The following ARID3A variants were observed in gnomAD, a reference collection of about 807,000 sequenced individuals.
ARID3A encodes the protein AT-rich interactive domain-containing protein 3A.
ARID3A carries 11 observed loss-of-function variants against 52.7 expected under a neutral mutation model. The ratio of observed to expected loss-of-function variants is 0.21; its 90% CI spans 0.13 to 0.35. ARID3A has a LOEUF of 0.35. ARID3A is among the 10% of genes least tolerant of loss of function. The pLI, the probability that ARID3A is intolerant of heterozygous loss-of-function variation, is 1.00. For missense variants in ARID3A, 721 were observed against 838.5 expected, an observed-to-expected ratio of 0.86 and a Z score of 1.73; for synonymous variants, 404 against 359.4, an observed-to-expected ratio of 1.12 and a Z score of -1.40.
intron 4 of ARID3A, among the ~76,000 whole-genome samples, chr19:962,259 T>C (rs1042060290): frequency 2.6e-5 from 4 of 151,902 alleles, no homozygotes; most frequent in Non-Finnish European, 5.9e-5. Flanking sequence ...TGTCACAAAG[T>C]AAAAAACTCT....
chr19:966,090 G>A (rs2145458792), intron 6 of ARID3A, among the ~76,000 whole-genome samples: 1 of 151,966 alleles, frequency 6.6e-6, no homozygotes, highest in East Asian at 1.9e-4. Context: ...GAGCCTGAGA[G>A]GCAGAGGTTG....
intron 3 of ARID3A, among the ~76,000 whole-genome samples, chr19:943,964 C>T (rs911083124): frequency 6.6e-6 from 1 of 150,424 alleles, no homozygotes; most frequent in African/African-American, 2.5e-5. Context: ...TGGGCACTTA[C>T]GGGGCACCTG....
intron 6 of ARID3A, among the ~76,000 whole-genome samples, chr19:966,166 A>C (rs1338156063): frequency 9.5e-6 from 1 of 105,368 alleles, no homozygotes; most frequent in Non-Finnish European, 1.9e-5. Flanking sequence ...GTCTCAAAGC[A>C]AAAAAAAAAA....
At position 940,264 on chromosome 19, in the gene ARID3A, A is replaced by G. The variant is rs577761831; in HGVS notation, c.693+7522A>G. On this transcript the variant is annotated intron_variant, in intron 3 of 8. Transcript: ENST00000263620. The stretch of plus-strand genomic sequence containing the variant: ...AGAAGAATTGTCTTGGACCACATGT[A>G]AAATACAGTAACACTAATGATACCT... 5.9e-5 allele frequency among the ~76,000 whole-genome samples: 9 copies of G among 152,322 alleles called. No individual in the cohort carries two copies. The East Asian group carries it at 1.4e-3, about 23-fold the overall frequency.
intron 3 of ARID3A, among the ~76,000 whole-genome samples, chr19:936,388 A>G (rs1245644380): frequency 6.6e-6 from 1 of 152,132 alleles, no homozygotes; most frequent in Non-Finnish European, 1.5e-5. Context: ...CCCCATCTCT[A>G]CAAAAATTAG....
chr19:935,221 G>A (rs920592291), intron 3 of ARID3A, among the ~76,000 whole-genome samples: 1 of 152,238 alleles, frequency 6.6e-6, no homozygotes, highest in Non-Finnish European at 1.5e-5. Flanking sequence ...GTGAAATTCT[G>A]CTGTCGGCTG....
chr19:947,150 G>T lies in ARID3A; in HGVS notation c.694-12942G>T, dbSNP rs989504889. 6.6e-6 allele frequency among the ~76,000 whole-genome samples: 1 copy of T among 152,074 alleles called. No homozygotes were observed. On this transcript the variant is annotated intron_variant, in intron 3 of 8. Transcript: ENST00000263620. This position sits in a 1 kb window ranked among gnomAD's most constrained non-coding sequence, Gnocchi z 6.3. Reference sequence around the variant, plus strand: ...TGGGTGCCCCCCATTGCTGGGCACCGTGGGGTGGGGTGTGTCTGTGTGTGG... The same window carrying T: ...TGGGTGCCCCCCATTGCTGGGCACCTTGGGGTGGGGTGTGTCTGTGTGTGG...
chr19:950,632 G>A (rs1050680165), intron 3 of ARID3A, among the ~76,000 whole-genome samples: 2 of 152,230 alleles, frequency 1.3e-5, no homozygotes, highest in Non-Finnish European at 2.9e-5. Flanking sequence ...ACGGTTGACC[G>A]TGGAGCAGGG....
chr19:939,982 C>T (rs960946884), intron 3 of ARID3A, among the ~76,000 whole-genome samples: 2 of 152,086 alleles, frequency 1.3e-5, no homozygotes, highest in East Asian at 1.9e-4. Flanking sequence ...GGCCTCGCCA[C>T]GTCCATTTCA....
Position 972,102 on chromosome 19 carries a change from C to T in ARID3A, c.*37C>T, listed in dbSNP as rs991945415. 40 of 1,493,956 alleles carry T rather than the reference C, an allele frequency of 2.7e-5. No individual in the cohort carries two copies. The highest frequency in any genetic ancestry group is 1.0e-4 in the African/African-American group (7 of 68,364). 92.5% of individuals were successfully genotyped at this position (1,493,956 alleles called of 1,614,324 possible). A position where few individuals can be genotyped will look rare whatever the true frequency, so the allele number is the denominator to read the frequency against. On this transcript the variant is annotated 3_prime_UTR_variant, in exon 9 of 9. Transcript: ENST00000263620. ...CCCACCCGCCACCCACCCTGGAGCC[C>T]GCCGGCCTGGGCAGGGGGTCCAGGT...
rs1038829288 is a variant in ARID3A at position 963,242 on chromosome 19, G to A, written c.767-1006G>A. Among the ~76,000 whole-genome samples the A allele has an allele frequency of 9.8e-5, 15 of 152,346 alleles. 1 individual carries two copies. The highest frequency in any genetic ancestry group is 3.6e-4 in the African/African-American group (15 of 41,576). On this transcript the variant is annotated intron_variant, in intron 4 of 8. Transcript: ENST00000263620. The stretch of plus-strand genomic sequence containing the variant: ...GATGGGCGTCCCCTCCCACCCCATG[G>A]TGAGTGGGCAGCAGCTATGGCCTGG...
chr19:970,238 G>A (rs964385719), intron 8 of ARID3A, among the ~76,000 whole-genome samples: 22 of 151,822 alleles, frequency 1.4e-4, no homozygotes, highest in Non-Finnish European at 2.6e-4. Flanking sequence ...GCTTGAACCC[G>A]GGAGGCGAAG....
rs956576893 is a variant in ARID3A, at chr19:975,048, C to T, written c.*2983C>T. On this transcript the variant is annotated 3_prime_UTR_variant, in exon 9 of 9. Coordinates refer to ENST00000263620, the MANE Select transcript of ARID3A (RefSeq NM_005224.3). ...CCTCCCTGCCTCAGGTGGCCCCGTT[C>T]AACCCCAGCCGTGCCCATCTCCTGC... 15 of 232,338 alleles carry T rather than the reference C, an allele frequency of 6.5e-5. No homozygotes were observed. Among genetic ancestry groups the T allele is most frequent in the Non-Finnish European group, 9.4e-5 (11 of 117,580 alleles). The allele number at this position is 232,338 out of a possible 1,614,324, so 14.4% of individuals were successfully genotyped here.
intron 3 of ARID3A, among the ~76,000 whole-genome samples, chr19:933,852 G>C (rs1014105703): frequency 2.0e-5 from 3 of 148,602 alleles, no homozygotes; most frequent in Non-Finnish European, 4.5e-5. Flanking sequence ...TCGGTGGGGG[G>C]GGGGGGCGTC....
In ARID3A at chr19:929,412, GCC is replaced by G; in HGVS notation, c.-113_-112del. The G allele has an allele frequency of 9.6e-7, 1 of 1,040,230 alleles. No homozygotes were observed. The highest frequency in any genetic ancestry group is 1.2e-6 in the Non-Finnish European group (1 of 829,830). 64.4% of individuals were successfully genotyped at this position (1,040,230 alleles called of 1,614,324 possible). ...CCTGCACTGCCCCGGCTCCCCCGCGGCCCCCACGCTGCAGTGCGGCCGGGCCC... is the reference window on the plus strand; with the variant it reads ...CCTGCACTGCCCCGGCTCCCCCGCGGCCCACGCTGCAGTGCGGCCGGGCCC... On this transcript the variant is annotated 5_prime_UTR_variant, in exon 2 of 9. Transcript: ENST00000263620. The surrounding 1 kb of genome is among the most constrained non-coding windows in gnomAD (Gnocchi z 6.2).
intron 4 of ARID3A, among the ~76,000 whole-genome samples, chr19:962,985 G>A (rs1005970981): frequency 2.0e-5 from 3 of 152,202 alleles, no homozygotes; most frequent in Admixed American, 6.5e-5. Flanking sequence ...TCTGAGGCCC[G>A]TCTTCCTCCA....
rs10637085 is a variant in ARID3A at position 972,222 on chromosome 19, G to GATATATATATAT, written c.*171_*182dup. ...CTGACGCCAAAAAGAAAAGAAAAAA[G>GATATATATATAT]ATATATATATATATATATATATATA... On this transcript the variant is annotated 3_prime_UTR_variant, in exon 9 of 9. Transcript: ENST00000263620. The GATATATATATAT allele has an allele frequency of 4.9e-5, 11 of 222,712 alleles. No individual in the cohort carries two copies. The highest frequency in any genetic ancestry group is 1.3e-4 in the Admixed American group (2 of 15,674). 13.8% of individuals were successfully genotyped at this position (222,712 alleles called of 1,614,324 possible). A position where few individuals can be genotyped will look rare whatever the true frequency, so the allele number is the denominator to read the frequency against.
chr19:944,868 A>G lies in ARID3A; in HGVS notation c.693+12126A>G, dbSNP rs2037644320. 6.6e-6 allele frequency among the ~76,000 whole-genome samples: 1 copy of G among 152,086 alleles called. No homozygotes were observed. Among genetic ancestry groups the G allele is most frequent in the Non-Finnish European group, 1.5e-5 (1 of 68,006 alleles). On this transcript the variant is annotated intron_variant, in intron 3 of 8. Coordinates refer to ENST00000263620, the MANE Select transcript of ARID3A (RefSeq NM_005224.3). The surrounding 1 kb of genome is among the most constrained non-coding windows in gnomAD (Gnocchi z 5.9). ...CTCCTGAGCTCTTAGGGGAGCCGGG[A>G]TGTCCCTGGGTCCTGCGGTCGCTCT... is the stretch of plus-strand genomic sequence containing the variant.
rs770296331 is a variant in ARID3A at position 929,737 on chromosome 19, C to T, written c.209C>T (p.Ala70Val). The change falls in exon 2 of 9, where the codon GCG becomes GTG. Residue 70 changes from alanine (A) to valine (V), a missense_variant. Around this residue, in one of 5 missense-constraint regions of ARID3A, gnomAD observed 349 missense variants for 297.3 expected, o/e 1.17. Transcript: ENST00000263620. This position sits in a 1 kb window ranked among gnomAD's most constrained non-coding sequence, Gnocchi z 6.2. ...AALAAMRAAA[A>V]GLGHPASPGG... The stretch of plus-strand genomic sequence containing the variant: ...CTGGCAGCCATGCGGGCTGCAGCTG[C>T]GGGCCTGGGACACCCAGCCAGCCCC... The T allele has an allele frequency of 3.1e-5, 48 of 1,559,080 alleles. No homozygotes were observed. The highest frequency in any genetic ancestry group is 1.6e-4 in the South Asian group (14 of 85,898).
Sources: allele counts gnomAD v4.1 joint callset (sites outside exome capture counted in the v4.1 genomes callset), GRCh38; gene constraint gnomAD v4.1.1; regional missense constraint gnomAD v4.1.1; non-coding constraint Gnocchi (gnomAD v3.1); transcripts MANE v1.5; gene names NCBI Gene and HGNC (gene_info 2026-07-23, HGNC 2026-07-21).